Variants in SHROOM3 observed in about 807,000 individuals in gnomAD.
The protein encoded by SHROOM3 is protein Shroom3.
SHROOM3 carries 47 observed loss-of-function variants against 138.6 expected under a neutral mutation model. The ratio of observed to expected loss-of-function variants is 0.34; its 90% CI spans 0.27 to 0.43. SHROOM3 has a LOEUF of 0.43. SHROOM3 is among the 20% of genes least tolerant of loss of function. SHROOM3 has a pLI of 1.00. For synonymous variants in SHROOM3, 1,062 were observed against 1,063.3 expected (o/e 1.00, Z 0.02); for missense variants, 2,491 against 2,596.5 (o/e 0.96, Z 0.88).
At chr4:76,687,571 T>C (rs1489504324) in intron 2 of SHROOM3, among the ~76,000 whole-genome samples, 1 of 152,250 alleles carries the variant, frequency 6.6e-6, no homozygotes, top group Non-Finnish European at 1.5e-5. Flanking sequence ...AGCATAATTT[T>C]GTATTGTTGC....
chr4:76,521,143 C>G (rs1430940728), intron 1 of SHROOM3, among the ~76,000 whole-genome samples: 1 of 151,992 alleles, frequency 6.6e-6, no homozygotes, highest in Non-Finnish European at 1.5e-5. Flanking sequence ...CTCTAATATT[C>G]CCTTTAAGGG....
At chr4:76,742,312 CCTTT>C (rs1311835266) in intron 5 of SHROOM3, among the ~76,000 whole-genome samples, 1 of 151,226 alleles carries the variant, frequency 6.6e-6, no homozygotes, top group Non-Finnish European at 1.5e-5. Flanking sequence ...AGCTTTGCAC[CCTTT>C]CTGTTTCTAT....
chr4:76,631,753 G>A (rs965564215), intron 2 of SHROOM3, among the ~76,000 whole-genome samples: 2 of 152,212 alleles, frequency 1.3e-5, no homozygotes, highest in Non-Finnish European at 2.9e-5. Context: ...TTAAGCAAAG[G>A]AAAAATTATT....
At chr4:76,651,397 CATAAATATATATATATATAT>C (rs1735954633) in intron 2 of SHROOM3, among the ~76,000 whole-genome samples, 3 of 71,382 alleles carry the variant, frequency 4.2e-5, no homozygotes, top group South Asian at 4.4e-4. Flanking sequence ...TCATGTAACC[CATAAATATATATATATATAT>C]ATATATATAT....
In SHROOM3 at chr4:76,774,272, TTACA is replaced by T. The variant is rs1467945715; in HGVS notation, c.5622+3376_5622+3379del. Among the ~76,000 whole-genome samples, 4 of 152,202 alleles carry T rather than the reference TTACA, an allele frequency of 2.6e-5. No homozygotes were observed. The East Asian group carries it at 5.8e-4, about 22-fold the overall frequency. On this transcript the variant is annotated intron_variant, in intron 10 of 10. Coordinates refer to ENST00000296043, the MANE Select transcript of SHROOM3 (RefSeq NM_020859.4). ...TTTAGAACCGAATTAAATTCAACAC[TTACA>T]TGCATGCCTGCACTCTTAAATACAA...
At chr4:76,513,330 G>GTTTT (rs10656340) in intron 1 of SHROOM3, among the ~76,000 whole-genome samples, 1 of 148,362 alleles carries the variant, frequency 6.7e-6, no homozygotes, top group Non-Finnish European at 1.5e-5. Flanking sequence ...AAAATAATAT[G>GTTTT]TTTTTTTTTT....
intron 1 of SHROOM3, among the ~76,000 whole-genome samples, chr4:76,479,662 C>T (rs1221812402): frequency 6.6e-6 from 1 of 151,996 alleles, no homozygotes; most frequent in Non-Finnish European, 1.5e-5. Context: ...GAAGAACAAC[C>T]CCAAGACACA....
At chr4:76,737,263 C>CT (rs973842428) in intron 4 of SHROOM3, among the ~76,000 whole-genome samples, 217 of 130,878 alleles carry the variant, frequency 1.7e-3, no homozygotes, top group East Asian at 3.3e-3. Flanking sequence ...CTTGACAGCT[C>CT]TTTTTTTTTT....
intron 2 of SHROOM3, among the ~76,000 whole-genome samples, chr4:76,706,814 T>C (rs548949008): frequency 2.0e-5 from 3 of 152,326 alleles, no homozygotes; most frequent in Non-Finnish European, 4.4e-5. Flanking sequence ...TAGCAGCCAG[T>C]GTGAATTGCA....
At chr4:76,486,409 G>A (rs999141021) in intron 1 of SHROOM3, among the ~76,000 whole-genome samples, 12 of 152,222 alleles carry the variant, frequency 7.9e-5, no homozygotes, top group Non-Finnish European at 1.6e-4. Flanking sequence ...AGGCAGTAAA[G>A]TTGATCATGA....
chr4:76,689,003 C>T, intron 2 of SHROOM3: 1 of 870,280 alleles, frequency 1.1e-6, no homozygotes, highest in Non-Finnish European at 1.4e-6. Flanking sequence ...TACCTTGCTT[C>T]ATTCATGCTT....
In SHROOM3 at chr4:76,738,921, A is replaced by G. The variant is rs1411090305; in HGVS notation, c.748A>G (p.Ser250Gly). ...AKSTGSIDQLSHFHNKRDSAY... is the reference protein window; with the variant it reads ...AKSTGSIDQLGHFHNKRDSAY... ...GTCCACCGGCAGCATTGACCAGCTC[A>G]GCCACTTCCATAACAAGAGAGACTC... is the stretch of plus-strand genomic sequence containing the variant. Residue 250 changes from serine to glycine, a missense_variant, in exon 5 of 11, where the codon AGC (serine) becomes GGC (glycine). Transcript: ENST00000296043. The G allele has an allele frequency of 1.9e-6, 3 of 1,614,114 alleles. No homozygotes were observed. The African/African-American group carries it at 4.0e-5, about 22-fold the overall frequency.
intron 2 of SHROOM3, among the ~76,000 whole-genome samples, chr4:76,693,366 GTTTGTT>G (rs1484547314): frequency 3.3e-5 from 2 of 60,100 alleles, no homozygotes; most frequent in African/African-American, 1.4e-4. Context: ...ATTTTGATAA[GTTTGTT>G]TTTTTTTTTT....
chr4:76,719,944 A>G (rs1720485546), intron 3 of SHROOM3, among the ~76,000 whole-genome samples: 1 of 152,152 alleles, frequency 6.6e-6, no homozygotes, highest in Non-Finnish European at 1.5e-5. Context: ...CTTCACACTT[A>G]CTGATGCTTC....
intron 9 of SHROOM3, among the ~76,000 whole-genome samples, chr4:76,766,584 T>G (rs555089405): frequency 6.6e-6 from 1 of 152,318 alleles, no homozygotes; most frequent in East Asian, 1.9e-4. Flanking sequence ...TAGTGTGTTA[T>G]TTAAAACAAA....
intron 2 of SHROOM3, among the ~76,000 whole-genome samples, chr4:76,707,084 C>T (rs542681539): frequency 6.6e-6 from 1 of 152,216 alleles, no homozygotes; most frequent in Admixed American, 6.5e-5. Flanking sequence ...TACAATGTAT[C>T]GTTGGTTATC....
intron 1 of SHROOM3, among the ~76,000 whole-genome samples, chr4:76,476,965 T>G (rs1256646597): frequency 6.6e-6 from 1 of 152,140 alleles, no homozygotes; most frequent in Non-Finnish European, 1.5e-5. Flanking sequence ...CTAGTTCTTG[T>G]TTTTAATTTA....
rs147261587 is a variant in SHROOM3 at position 76,705,307 on chromosome 4, AAACAACAACAAC to A, written c.324-4831_324-4820del. ...CAATGTAGTGAGACTCCGTCTCTAC[AAACAACAACAAC>A]AACAACAACAACAACAAAACATTAA... On this transcript the variant is annotated intron_variant, in intron 2 of 10. Coordinates refer to ENST00000296043, the MANE Select transcript of SHROOM3 (RefSeq NM_020859.4). Among the ~76,000 whole-genome samples, 11 of 150,988 alleles carry A rather than the reference AAACAACAACAAC, an allele frequency of 7.3e-5. No homozygotes were observed. The South Asian group carries it at 1.7e-3, about 23-fold the overall frequency.
intron 2 of SHROOM3, among the ~76,000 whole-genome samples, chr4:76,588,645 G>A (rs1734198604): frequency 6.6e-6 from 1 of 152,120 alleles, no homozygotes; most frequent in Non-Finnish European, 1.5e-5. Context: ...TTTTCCTGGG[G>A]TTGGGGAGGC....
Sources: gnomAD v4.1 joint callset for allele counts (sites outside exome capture counted in the v4.1 genomes callset) on GRCh38, gnomAD v4.1.1 for gene constraint, MANE v1.5 for transcripts, NCBI Gene and HGNC (gene_info 2026-07-23, HGNC 2026-07-21) for gene names.